The following HTR1F variants were observed in gnomAD, a reference collection of about 807,000 sequenced individuals.
HTR1F encodes 5-hydroxytryptamine (serotonin) receptor 1F, G protein-coupled.
HTR1F carries 17 observed loss-of-function variants against 24.0 expected under a neutral mutation model. That is an observed-to-expected ratio of 0.71 (90% CI 0.48 to 1.06). HTR1F has a LOEUF of 1.06. Ranked by LOEUF, HTR1F falls within the 50% of genes least tolerant of loss-of-function variation. The pLI, the probability that HTR1F is intolerant of heterozygous loss-of-function variation, is 0.00. For synonymous variants in HTR1F, 186 were observed against 156.8 expected, an observed-to-expected ratio of 1.19 and a Z score of -1.39; for missense variants, 391 against 427.8, an observed-to-expected ratio of 0.91 and a Z score of 0.76.
chr3:87,977,037 A>C (rs1395154208), intron 2 of HTR1F, among the ~76,000 whole-genome samples: 1 of 152,216 alleles, frequency 6.6e-6, no homozygotes. Flanking sequence ...CTTACATAAT[A>C]GGAGAATATA....
intron 2 of HTR1F, among the ~76,000 whole-genome samples, chr3:87,875,752 A>G (rs890465724): frequency 6.6e-6 from 1 of 151,332 alleles, no homozygotes; most frequent in African/African-American, 2.4e-5. Context: ...GTGAAACCCC[A>G]TCTCTACTAA....
At chr3:87,901,217 C>T (rs1459862444) in intron 2 of HTR1F, among the ~76,000 whole-genome samples, 1 of 152,244 alleles carries the variant, frequency 6.6e-6, no homozygotes, top group East Asian at 1.9e-4. Context: ...GGCAAGAAAC[C>T]TATTCCAACA....
At chr3:87,848,064 C>T (rs1704986707) in intron 2 of HTR1F, among the ~76,000 whole-genome samples, 1 of 151,774 alleles carries the variant, frequency 6.6e-6, no homozygotes, top group South Asian at 2.1e-4. Flanking sequence ...TATAGTAGGC[C>T]TCTTTTTAGT....
At chr3:87,861,245 T>C (rs1705312701) in intron 2 of HTR1F, among the ~76,000 whole-genome samples, 1 of 152,144 alleles carries the variant, frequency 6.6e-6, no homozygotes, top group Admixed American at 6.5e-5. Flanking sequence ...CGGTAAAAAG[T>C]TGAGATGGTG....
At chr3:87,897,420 C>T (rs920194623) in intron 2 of HTR1F, among the ~76,000 whole-genome samples, 3 of 151,822 alleles carry the variant, frequency 2.0e-5, no homozygotes, top group Admixed American at 6.6e-5. Flanking sequence ...CTTCAATAAG[C>T]GGGCCACATA....
intron 2 of HTR1F, among the ~76,000 whole-genome samples, chr3:87,961,000 G>GCA (rs536116656): frequency 0.091 from 13,125 of 144,378 alleles, 578 homozygotes; most frequent in African/African-American, 0.11. Context: ...TTGGTATGGT[G>GCA]CACACACACA....
chr3:87,941,158 A>G (rs1409220115), intron 2 of HTR1F, among the ~76,000 whole-genome samples: 1 of 152,194 alleles, frequency 6.6e-6, no homozygotes, highest in Non-Finnish European at 1.5e-5. Flanking sequence ...AGGGCCTGGA[A>G]AGCTGCTTCT....
chr3:87,844,030 T>C (rs1208158043), intron 2 of HTR1F, among the ~76,000 whole-genome samples: 1 of 150,058 alleles, frequency 6.7e-6, no homozygotes, highest in Admixed American at 6.6e-5. Flanking sequence ...TATAGTCCTT[T>C]GGGTATATAC....
At chr3:87,905,968 G>A (rs1186057391) in intron 2 of HTR1F, among the ~76,000 whole-genome samples, 1 of 151,998 alleles carries the variant, frequency 6.6e-6, no homozygotes, top group East Asian at 1.9e-4. Context: ...AAAAAAGGGG[G>A]ACTTTAGGAT....
chr3:87,795,205 C>T (rs1703884609), intron 1 of HTR1F, among the ~76,000 whole-genome samples: 1 of 152,008 alleles, frequency 6.6e-6, no homozygotes, highest in Non-Finnish European at 1.5e-5. Context: ...AGGATGGTCT[C>T]GATCTCCTGA....
intron 2 of HTR1F, among the ~76,000 whole-genome samples, chr3:87,988,085 C>T (rs1015942291): frequency 1.3e-5 from 2 of 151,778 alleles, no homozygotes; most frequent in African/African-American, 2.4e-5. Context: ...CAGTATCACC[C>T]GGGAACTTGC....
intron 2 of HTR1F, among the ~76,000 whole-genome samples, chr3:87,932,758 G>T (rs929300430): frequency 1.3e-5 from 2 of 151,418 alleles, no homozygotes; most frequent in African/African-American, 2.4e-5. Flanking sequence ...ACTCACAGCC[G>T]AATTCTACCA....
chr3:87,813,710 G>T (rs1279165272), intron 1 of HTR1F, among the ~76,000 whole-genome samples: 1 of 152,168 alleles, frequency 6.6e-6, no homozygotes, highest in Non-Finnish European at 1.5e-5. Context: ...TCGAGAAAGG[G>T]AGGTGATTGG....
chr3:87,867,605 G>A (rs1437888697), intron 2 of HTR1F, among the ~76,000 whole-genome samples: 1 of 148,902 alleles, frequency 6.7e-6, no homozygotes, highest in Non-Finnish European at 1.5e-5. Flanking sequence ...GTATATATGT[G>A]CAAGATGTAT....
intron 2 of HTR1F, among the ~76,000 whole-genome samples, chr3:87,855,700 A>G (rs1705184026): frequency 6.6e-6 from 1 of 152,024 alleles, no homozygotes; most frequent in Non-Finnish European, 1.5e-5. Flanking sequence ...TATTAACTGG[A>G]AAATCCCAGA....
At chr3:87,984,687 C>A (rs577051503) in intron 2 of HTR1F, among the ~76,000 whole-genome samples, 1 of 152,122 alleles carries the variant, frequency 6.6e-6, no homozygotes, top group African/African-American at 2.4e-5. Context: ...GTTGCAAACT[C>A]CTGACTTCAG....
intron 2 of HTR1F, among the ~76,000 whole-genome samples, chr3:87,871,207 T>C (rs1010849951): frequency 2.0e-5 from 3 of 151,446 alleles, no homozygotes; most frequent in Non-Finnish European, 1.5e-5. Flanking sequence ...AATAAAGAGA[T>C]AGAAACTATT....
intron 2 of HTR1F, among the ~76,000 whole-genome samples, chr3:87,959,347 C>G (rs1182545291): frequency 1.3e-5 from 2 of 151,780 alleles, no homozygotes; most frequent in Non-Finnish European, 2.9e-5. Flanking sequence ...TTATAATATC[C>G]AAATTCTCCC....
intron 2 of HTR1F, among the ~76,000 whole-genome samples, chr3:87,914,752 C>T (rs989041763): frequency 6.6e-6 from 1 of 152,082 alleles, no homozygotes; most frequent in Non-Finnish European, 1.5e-5. Context: ...TGCGCCTTCC[C>T]TACCCACCCT....
Sources: allele counts gnomAD v4.1 joint callset (sites outside exome capture counted in the v4.1 genomes callset), GRCh38; gene constraint gnomAD v4.1.1; transcripts MANE v1.5; gene names NCBI Gene and HGNC (gene_info 2026-07-23, HGNC 2026-07-21).